Variants in CCDC172 observed in about 807,000 individuals in gnomAD.
CCDC172 encodes coiled-coil domain-containing protein 172.
A neutral mutation model predicts 38.0 loss-of-function variants in CCDC172; 30 were observed. The observed-to-expected ratio is 0.79, with a 90% CI of 0.59 to 1.07. The LOEUF (loss-of-function observed/expected upper bound fraction) is 1.07, where lower values mean the gene tolerates loss of function less well. Among genes scored for constraint, CCDC172 ranks in the 50% least tolerant of loss-of-function variants. The pLI is 0.00. For missense variants in CCDC172, 297 were observed against 290.1 expected (o/e 1.02, Z -0.17); for synonymous variants, 78 against 88.3 (o/e 0.88, Z 0.66).
chr10:116,358,279 T>C (rs1845024207), intron 7 of CCDC172, among the ~76,000 whole-genome samples: 1 of 152,146 alleles, frequency 6.6e-6, no homozygotes. Flanking sequence ...TTTTAATCTT[T>C]CTAGATTCCA....
In CCDC172 at chr10:116,340,756, C is replaced by G; in HGVS notation, c.188C>G (p.Ser63Cys). ...AAGGTTCAACAGTTTTTTGAAAAAT[C>G]CTTCTTCTTACAGCTTTTGAAAGCT... ...ESKVQQFFEK[S>C]FFLQLLKAHE... Residue 63 changes from serine (S) to cysteine (C), a missense_variant, in exon 4 of 9, where the codon TCC becomes TGC. By Grantham distance (112) the Ser-to-Cys change is moderately radical (BLOSUM62 -1). Coordinates refer to ENST00000333254, the MANE Select transcript of CCDC172 (RefSeq NM_198515.3). The G allele has an allele frequency of 2.5e-6, 4 of 1,588,102 alleles. No homozygotes were observed. The highest frequency in any genetic ancestry group is 3.4e-6 in the Non-Finnish European group (4 of 1,165,212).
chr10:116,354,938 A>T (rs1844977107), intron 5 of CCDC172, among the ~76,000 whole-genome samples: 1 of 152,222 alleles, frequency 6.6e-6, no homozygotes, highest in Non-Finnish European at 1.5e-5. Flanking sequence ...AAGAAGTAAA[A>T]CATAATATAT....
intron 5 of CCDC172, among the ~76,000 whole-genome samples, chr10:116,350,264 A>T (rs576597676): frequency 6.6e-6 from 1 of 152,292 alleles, no homozygotes; most frequent in South Asian, 2.1e-4. Context: ...AAGGGAGGTA[A>T]AAGCAGAAAC....
intron 7 of CCDC172, among the ~76,000 whole-genome samples, chr10:116,364,369 A>G (rs1845098622): frequency 6.6e-6 from 1 of 152,160 alleles, no homozygotes. Context: ...ATATATTTGG[A>G]ATGAAATTTA....
At chr10:116,351,674 G>A (rs1844932857) in intron 5 of CCDC172, among the ~76,000 whole-genome samples, 1 of 152,134 alleles carries the variant, frequency 6.6e-6, no homozygotes, top group Non-Finnish European at 1.5e-5. Flanking sequence ...TAAAAGACTG[G>A]AGAAAATTAT....
chr10:116,341,497 T>C lies in CCDC172; in HGVS notation c.283-539T>C, dbSNP rs181998482. Among the ~76,000 whole-genome samples, 364 of 152,166 alleles carry C rather than the reference T, an allele frequency of 2.4e-3. 1 individual carries two copies. The highest frequency in any genetic ancestry group is 8.3e-3 in the African/African-American group (346 of 41,566). On this transcript the variant is annotated intron_variant, in intron 4 of 8. Coordinates refer to ENST00000333254, the MANE Select transcript of CCDC172 (RefSeq NM_198515.3). ...CATTGTCCACAGTTTTTGGAAATTCTTATTTCTCTGCCATGTTGATACTTC... is the reference window on the plus strand; with the variant it reads ...CATTGTCCACAGTTTTTGGAAATTCCTATTTCTCTGCCATGTTGATACTTC...
intron 5 of CCDC172, among the ~76,000 whole-genome samples, chr10:116,343,482 C>G (rs1224225916): frequency 6.6e-6 from 1 of 150,680 alleles, no homozygotes; most frequent in Non-Finnish European, 1.5e-5. Flanking sequence ...TGACACTACT[C>G]TCTGTGCTCC....
intron 7 of CCDC172, among the ~76,000 whole-genome samples, chr10:116,364,627 G>C (rs985314218): frequency 3.9e-5 from 6 of 151,966 alleles, no homozygotes; most frequent in African/African-American, 1.5e-4. Flanking sequence ...GTATTAATTG[G>C]TATGCAATTA....
In CCDC172 at chr10:116,324,941, T is replaced by C. The variant is rs1844570422; in HGVS notation, c.-65-6T>C. On this transcript the variant is annotated splice_region_variant and splice_polypyrimidine_tract_variant and intron_variant, in intron 1 of 8. Transcript: ENST00000333254. ...AAGAATCCATCTTCTTTATTCTGCTTTCCAGGATCCTCAGAGTTGGTTATA... is the reference window on the plus strand; with the variant it reads ...AAGAATCCATCTTCTTTATTCTGCTCTCCAGGATCCTCAGAGTTGGTTATA... The C allele has an allele frequency of 4.0e-6, 5 of 1,250,438 alleles. No homozygotes were observed. In the South Asian group the frequency reaches 4.9e-5, roughly 12 times the overall value. The allele number at this position is 1,250,438 out of a possible 1,614,324, so 77.5% of individuals were successfully genotyped here.
At chr10:116,359,896 T>C (rs1034488903) in intron 7 of CCDC172, among the ~76,000 whole-genome samples, 3 of 152,234 alleles carry the variant, frequency 2.0e-5, no homozygotes, top group Non-Finnish European at 2.9e-5. Context: ...GGTTATTTGT[T>C]GGAATCTATC....
chr10:116,340,592 A>G (rs1844779862), intron 3 of CCDC172, 142 bp from the exon 4 acceptor site: 1 of 545,494 alleles, frequency 1.8e-6, no homozygotes. Flanking sequence ...ATAAAATAAG[A>G]TGTTTGATGC....
chr10:116,338,576 G>C (rs1195248864), intron 3 of CCDC172, among the ~76,000 whole-genome samples: 1 of 152,008 alleles, frequency 6.6e-6, no homozygotes, highest in Non-Finnish European at 1.5e-5. Context: ...TAGTTTTTGG[G>C]ATATAGATTT....
chr10:116,324,801 C>T (rs1295979399), intron 1 of CCDC172, 146 bp from the exon 2 acceptor site: 11 of 571,274 alleles, frequency 1.9e-5, no homozygotes, highest in Middle Eastern at 4.1e-4. Flanking sequence ...GGGGCAGCAG[C>T]GGCCAGCGTC....
chr10:116,351,376 C>G (rs980271312), intron 5 of CCDC172, among the ~76,000 whole-genome samples: 4 of 152,130 alleles, frequency 2.6e-5, no homozygotes, highest in Non-Finnish European at 5.9e-5. Flanking sequence ...CAGTTACCTA[C>G]ACTAGTGGAC....
In CCDC172 at chr10:116,338,914, C is replaced by T. The variant is rs1417193990; in HGVS notation, c.166-1820C>T. ...ACATGGACTTAGAATTCATGAATTG[C>T]GTTTCTGAAGGGCATAATACTTGAA... On this transcript the variant is annotated intron_variant, in intron 3 of 8. Coordinates refer to ENST00000333254, the MANE Select transcript of CCDC172 (RefSeq NM_198515.3). Among the ~76,000 whole-genome samples, 5 of 152,092 alleles carry T rather than the reference C, an allele frequency of 3.3e-5. 1 individual carries two copies. In the South Asian group the frequency reaches 6.2e-4, roughly 19 times the overall value.
Position 116,357,851 on chromosome 10 carries a change from A to C in CCDC172, c.566A>C (p.Glu189Ala). The C allele has an allele frequency of 6.7e-7, 1 of 1,500,724 alleles. No homozygotes were observed. Among genetic ancestry groups the C allele is most frequent in the Non-Finnish European group, 9.0e-7 (1 of 1,105,952 alleles). The allele number at this position is 1,500,724 out of a possible 1,614,324, so 93.0% of individuals were successfully genotyped here. The change falls in exon 7 of 9, where the codon GAG becomes GCG. Residue 189 changes from glutamate to alanine, a missense_variant. Transcript: ENST00000333254. ...QRKLKVFEDEENESICTTKYL... is the reference protein window; with the variant it reads ...QRKLKVFEDEANESICTTKYL... The stretch of plus-strand genomic sequence containing the variant: ...ATTTGTTTAGTTTTTGAAGATGAAG[A>C]GAATGAATCCATTTGTACTACCAAA...
chr10:116,328,335 G>T (rs573384670), intron 3 of CCDC172, among the ~76,000 whole-genome samples: 3 of 152,034 alleles, frequency 2.0e-5, no homozygotes, highest in Non-Finnish European at 4.4e-5. Context: ...CCCTGGATTT[G>T]CATTCATGCT....
chr10:116,349,981 T>C lies in CCDC172; in HGVS notation c.449-7399T>C, dbSNP rs1050193203. 2.0e-5 allele frequency among the ~76,000 whole-genome samples: 3 copies of C among 152,174 alleles called. No individual in the cohort carries two copies. In the East Asian group the frequency reaches 5.8e-4, roughly 29 times the overall value. ...TCAAACAAGTGAATACCTGGGGGAA[T>C]ATCATTTCACAGAGAAGGAATAGCT... On this transcript the variant is annotated intron_variant, in intron 5 of 8. Transcript: ENST00000333254.
At chr10:116,361,708 G>A (rs11817406) in intron 7 of CCDC172, among the ~76,000 whole-genome samples, 13,385 of 152,246 alleles carry the variant, frequency 0.088, 1,077 homozygotes, top group East Asian at 0.33. Context: ...TTAATGTCAT[G>A]TAGTAAAGCA....
Sources: allele counts gnomAD v4.1 joint callset (sites outside exome capture counted in the v4.1 genomes callset), GRCh38; gene constraint gnomAD v4.1.1; transcripts MANE v1.5; gene names NCBI Gene and HGNC (gene_info 2026-07-23, HGNC 2026-07-21).